The following COL5A2 variants were observed in gnomAD, a reference collection of about 807,000 sequenced individuals.
COL5A2 encodes the protein collagen alpha-2(V) chain.
A neutral mutation model predicts 208.2 loss-of-function variants in COL5A2; 23 were observed. That is an observed-to-expected ratio of 0.11 (90% CI 0.08 to 0.16). COL5A2 has a LOEUF of 0.16. COL5A2 is among the 10% of genes least tolerant of loss of function. The pLI, the probability that COL5A2 is intolerant of heterozygous loss-of-function variation, is 1.00. For missense variants in COL5A2, 1,590 were observed against 1,956.4 expected (o/e 0.81, Z 3.53); for synonymous variants, 625 against 628.5 (o/e 0.99, Z 0.08).
chr2:189,291,278 A>G, the COL5A2 span, among the ~76,000 whole-genome samples: 1 of 152,144 alleles, frequency 6.6e-6, no homozygotes, highest in Non-Finnish European at 1.5e-5. Flanking sequence ...CACTCAATAG[A>G]GAAGGCTGAA....
the COL5A2 span, among the ~76,000 whole-genome samples, chr2:189,261,496 T>C: frequency 2.4e-4 from 36 of 152,312 alleles, no homozygotes; most frequent in East Asian, 6.9e-3. Context: ...AGAGGAGAGT[T>C]GGCAGTTGGT....
At position 189,053,485 on chromosome 2, in the gene COL5A2, G is replaced by C; in HGVS notation, c.2500-8C>G. Reference sequence around the variant, plus strand: ...ATTTTCACCTCGAGAACCCTAGGAGGAGACAAAGATTACTGTAGCTTTCAC... The same window carrying C: ...ATTTTCACCTCGAGAACCCTAGGAGCAGACAAAGATTACTGTAGCTTTCAC... On this transcript the variant is annotated splice_region_variant and splice_polypyrimidine_tract_variant and intron_variant, in intron 37 of 53. Coordinates refer to ENST00000374866, the MANE Select transcript of COL5A2 (RefSeq NM_000393.5). 1 of 1,612,998 alleles carries C rather than the reference G, an allele frequency of 6.2e-7. No individual in the cohort carries two copies. Among genetic ancestry groups the C allele is most frequent in the Non-Finnish European group, 8.5e-7 (1 of 1,179,108 alleles).
chr2:189,131,305 T>C (rs948301118), intron 1 of COL5A2, among the ~76,000 whole-genome samples: 1 of 152,152 alleles, frequency 6.6e-6, no homozygotes, highest in Non-Finnish European at 1.5e-5. Flanking sequence ...GTTCATAAAA[T>C]GGAACAATAA....
intron 2 of COL5A2, among the ~76,000 whole-genome samples, chr2:189,107,537 T>C (rs1687175475): frequency 6.6e-6 from 1 of 151,510 alleles, no homozygotes. Flanking sequence ...CTTCTGTTTT[T>C]ATCTTTACAA....
the COL5A2 span, among the ~76,000 whole-genome samples, chr2:189,366,737 G>C: frequency 6.6e-6 from 1 of 152,184 alleles, no homozygotes; most frequent in Non-Finnish European, 1.5e-5. Flanking sequence ...GCTGACTGAA[G>C]AAGGGCCTCT....
intron 10 of COL5A2, among the ~76,000 whole-genome samples, 165 bp downstream of exon 10, chr2:189,085,554 A>G (rs974272927): frequency 6.6e-6 from 1 of 152,184 alleles, no homozygotes; most frequent in African/African-American, 2.4e-5. Flanking sequence ...TTCTGCTATG[A>G]GAAACATATA....
At chr2:189,170,293 A>T (rs1032195424) in intron 1 of COL5A2, among the ~76,000 whole-genome samples, 1 of 152,202 alleles carries the variant, frequency 6.6e-6, no homozygotes, top group African/African-American at 2.4e-5. Context: ...ATTTTTCTAG[A>T]TTTTCACAAA....
chr2:189,058,990 T>C, intron 31 of COL5A2, 97 bp from the exon 32 acceptor site: 1 of 949,956 alleles, frequency 1.1e-6, no homozygotes, highest in South Asian at 1.4e-5. Context: ...TCTATTAATG[T>C]GCCATTAGAA....
At chr2:189,398,909 A>G in the COL5A2 span, among the ~76,000 whole-genome samples, 1 of 152,218 alleles carries the variant, frequency 6.6e-6, no homozygotes, top group Non-Finnish European at 1.5e-5. Context: ...GATTACAATA[A>G]GCAATCTTAA....
At chr2:189,212,807 T>G (rs978606225) in intron 1 of COL5A2, among the ~76,000 whole-genome samples, 3 of 150,984 alleles carry the variant, frequency 2.0e-5, no homozygotes, top group Admixed American at 6.6e-5. Flanking sequence ...AACAAGAGAA[T>G]CAGGAACTCT....
upstream of COL5A2, among the ~76,000 whole-genome samples, chr2:189,226,876 G>T (rs1267519333): frequency 2.6e-5 from 4 of 152,120 alleles, no homozygotes; most frequent in South Asian, 6.2e-4. Context: ...GAGCCAACAA[G>T]AATATAAAAG....
intron 1 of COL5A2, among the ~76,000 whole-genome samples, chr2:189,135,659 T>C (rs1213850398): frequency 2.6e-5 from 4 of 152,188 alleles, no homozygotes; most frequent in Non-Finnish European, 4.4e-5. Flanking sequence ...TCCAGATTAA[T>C]GAAAAAGAAC....
intron 16 of COL5A2, 92 bp downstream of exon 16, chr2:189,078,424 A>T: frequency 1.0e-6 from 1 of 994,384 alleles, no homozygotes; most frequent in Non-Finnish European, 1.6e-6. Flanking sequence ...CAGTACTATT[A>T]CTTTCATTTA....
rs979102193 is a variant in COL5A2, at chr2:189,041,448, A to T, written c.3633+138T>A. 26 of 745,800 alleles carry T rather than the reference A, an allele frequency of 3.5e-5. 1 individual carries two copies. In the Admixed American group the frequency reaches 3.8e-4, roughly 11 times the overall value. 46.2% of individuals were successfully genotyped at this position (745,800 alleles called of 1,614,324 possible). ...ATTAAAATACTTGAAATAGTTACTT[A>T]TACTCTTGTGTGACTTCTACGTTTG... On this transcript the variant is annotated intron_variant, in intron 50 of 53. Transcript: ENST00000374866.
chr2:189,049,540 C>G, intron 43 of COL5A2, 86 bp from the exon 44 acceptor site: 1 of 936,204 alleles, frequency 1.1e-6, no homozygotes, highest in Non-Finnish European at 1.7e-6. Flanking sequence ...AAAATGGTGC[C>G]TCTGGGCTCC....
the COL5A2 span, among the ~76,000 whole-genome samples, chr2:189,387,417 A>G: frequency 6.6e-6 from 1 of 152,122 alleles, no homozygotes; most frequent in African/African-American, 2.4e-5. Context: ...TCAGCATTAT[A>G]TAATATACCT....
chr2:189,056,843 A>G lies in COL5A2; in HGVS notation c.2391+130T>C, dbSNP rs760706759. On this transcript the variant is annotated intron_variant, in intron 35 of 53. Transcript: ENST00000374866. ...GTGGTTGAATCACAGCAGATCTCACATGCCATTATTCTCCAACTCCTGACT... is the reference window on the plus strand; with the variant it reads ...GTGGTTGAATCACAGCAGATCTCACGTGCCATTATTCTCCAACTCCTGACT... 3 of 844,932 alleles carry G rather than the reference A, an allele frequency of 3.6e-6. No homozygotes were observed. In the South Asian group the frequency reaches 4.0e-5, roughly 11 times the overall value. 52.3% of individuals were successfully genotyped at this position (844,932 alleles called of 1,614,324 possible).
the COL5A2 span, among the ~76,000 whole-genome samples, chr2:189,258,475 T>C: frequency 6.6e-6 from 1 of 152,234 alleles, no homozygotes; most frequent in African/African-American, 2.4e-5. Context: ...GCTAAAAACA[T>C]CTGATCATTT....
At chr2:189,348,282 A>C in the COL5A2 span, among the ~76,000 whole-genome samples, 3 of 152,234 alleles carry the variant, frequency 2.0e-5, no homozygotes, top group Non-Finnish European at 4.4e-5. Flanking sequence ...TAAAGTGGTC[A>C]GTGTGGCTCA....
Sources: allele counts gnomAD v4.1 joint callset (sites outside exome capture counted in the v4.1 genomes callset), GRCh38; gene constraint gnomAD v4.1.1; transcripts MANE v1.5; gene names NCBI Gene and HGNC (gene_info 2026-07-23, HGNC 2026-07-21).